The following MTMR4 variants were observed in gnomAD, a reference collection of about 807,000 sequenced individuals.
The protein encoded by MTMR4 is phosphatidylinositol-3,5-bisphosphate 3-phosphatase MTMR4.
MTMR4 carries 30 observed loss-of-function variants against 125.5 expected under a neutral mutation model. The ratio of observed to expected loss-of-function variants is 0.24; its 90% CI spans 0.18 to 0.32. MTMR4 has a LOEUF of 0.32. Among genes scored for constraint, MTMR4 ranks in the 10% least tolerant of loss-of-function variants. MTMR4 has a pLI of 1.00. For missense variants in MTMR4, 1,039 were observed against 1,511.5 expected, an observed-to-expected ratio of 0.69 and a Z score of 5.18; for synonymous variants, 498 against 564.5, an observed-to-expected ratio of 0.88 and a Z score of 1.67.
At position 58,508,300 on chromosome 17, in the gene MTMR4, C is replaced by T. The variant is rs757947876; in HGVS notation, c.594-26G>A. The T allele has an allele frequency of 6.9e-6, 11 of 1,600,812 alleles. No individual in the cohort carries two copies. The East Asian group carries it at 1.8e-4, about 26-fold the overall frequency. ...CTGAGAAGAGACCAGGTGGGGGTCA[C>T]TGCACTGGGTCTAAAACATGTGATG... On this transcript the variant is annotated intron_variant, in intron 6 of 17. Transcript: ENST00000682306. The surrounding 1 kb of genome is among the most constrained non-coding windows in gnomAD (Gnocchi z 4.8).
In MTMR4 at chr17:58,491,591, A is replaced by C. The variant is rs1159872117; in HGVS notation, c.*72T>G. ...GTGATTTCATGAGCCACACCAAGGA[A>C]CCTTCCAAACTACAACTGAAGAAGA... On this transcript the variant is annotated 3_prime_UTR_variant, in exon 18 of 18. Coordinates refer to ENST00000682306, the MANE Select transcript of MTMR4 (RefSeq NM_001378067.1). The C allele has an allele frequency of 1.0e-5, 15 of 1,467,374 alleles. No homozygotes were observed. Among genetic ancestry groups the C allele is most frequent in the Non-Finnish European group, 1.3e-5 (14 of 1,070,378 alleles). 90.9% of individuals were successfully genotyped at this position (1,467,374 alleles called of 1,614,324 possible). A position where few individuals can be genotyped will look rare whatever the true frequency, so the allele number is the denominator to read the frequency against.
Position 58,506,816 on chromosome 17 carries a change from C to T in MTMR4, c.960G>A (p.Leu320=), listed in dbSNP as rs1322293758. ...TGTAGGATCGCGCATCCAGGATCAG[C>T]AGCTTTTGAGGAGCTGCTGTGCTCT... ...GVESTAAPQK[L]LILDARSYTA... The change falls in exon 9 of 18, where the codon CTG becomes CTA. Residue 320 remains leucine, a synonymous_variant. Transcript: ENST00000682306. 1 of 1,613,780 alleles carries T rather than the reference C, an allele frequency of 6.2e-7. No individual in the cohort carries two copies. The highest frequency in any genetic ancestry group is 1.1e-5 in the South Asian group (1 of 91,050).
At chr17:58,513,325 G>A (rs1001649732) in intron 1 of MTMR4, among the ~76,000 whole-genome samples, 3 of 152,154 alleles carry the variant, frequency 2.0e-5, no homozygotes, top group Non-Finnish European at 2.9e-5. Context: ...TGAGGAAAAG[G>A]AGCCAGGTAT....
rs764050126 is a variant in MTMR4, at chr17:58,492,950, T to C, written c.3255A>G (p.Thr1085=). 3 of 1,613,496 alleles carry C rather than the reference T, an allele frequency of 1.9e-6. No individual in the cohort carries two copies. Among genetic ancestry groups the C allele is most frequent in the Non-Finnish European group, 2.5e-6 (3 of 1,179,390 alleles). Residue 1085 remains threonine (T), a splice_region_variant and synonymous_variant, in exon 16 of 18, where the codon ACA becomes ACG. Coordinates refer to ENST00000682306, the MANE Select transcript of MTMR4 (RefSeq NM_001378067.1). Reference sequence around the variant, plus strand: ...CACTGCCATCTGACTCCTTCAAACATGTCTGATGAAAAGGCAAAGACAACA... The same window carrying C: ...CACTGCCATCTGACTCCTTCAAACACGTCTGATGAAAAGGCAAAGACAACA... ...EPPMDYEDDF[T]CLKESDGSDT... is the part of the protein sequence containing the mutation.
At chr17:58,499,882 G>A (rs563786125) in intron 14 of MTMR4, among the ~76,000 whole-genome samples, 76 of 150,468 alleles carry the variant, frequency 5.1e-4, no homozygotes, top group African/African-American at 1.7e-3. Context: ...CGCCCGCCTC[G>A]GCCTCCCAAA....
rs201265445 is a variant in MTMR4 at position 58,512,887 on chromosome 17, G to A, written c.100C>T (p.Pro34Ser). The part of the protein sequence containing the change: ...EYIQAKDLFP[P>S]KELVKEEENL... The stretch of plus-strand genomic sequence containing the variant: ...TCTTCCTCCTTCACTAGTTCCTTGG[G>A]GGGGAACAGATCCTTGGCTTGGATG... The change falls in exon 2 of 18, where the codon CCC becomes TCC. Residue 34 changes from proline (P) to serine (S), a missense_variant. By Grantham distance (74) the Pro-to-Ser change is moderately conservative. Transcript: ENST00000682306. This position sits in a 1 kb window ranked among gnomAD's most constrained non-coding sequence, Gnocchi z 4.1. 5 of 1,612,674 alleles carry A rather than the reference G, an allele frequency of 3.1e-6. No individual in the cohort carries two copies. Among genetic ancestry groups the A allele is most frequent in the African/African-American group, 1.3e-5 (1 of 74,870 alleles).
At position 58,514,455 on chromosome 17, in the gene MTMR4, C is replaced by T; in HGVS notation, c.-48G>A. 1.0e-6 allele frequency: 1 copy of T among 985,030 alleles called. No homozygotes were observed. Among genetic ancestry groups the T allele is most frequent in the Non-Finnish European group, 1.2e-6 (1 of 829,622 alleles). 61.0% of individuals were successfully genotyped at this position (985,030 alleles called of 1,614,324 possible). On this transcript the variant is annotated 5_prime_UTR_variant, in exon 1 of 18. Transcript: ENST00000682306. ...CGCACATGTCCCCGGAGCCGCTGCG[C>T]TGCCCGCCAGCCCCGGGCGCCCGCC...
chr17:58,508,324 T>C lies in MTMR4; in HGVS notation c.594-50A>G, dbSNP rs1431905371. ...ACTGCACTGGGTCTAAAACATGTGA[T>C]GACAGGATCCCTGGGGATGGCTTTG... On this transcript the variant is annotated intron_variant, in intron 6 of 17. Coordinates refer to ENST00000682306, the MANE Select transcript of MTMR4 (RefSeq NM_001378067.1). This position sits in a 1 kb window ranked among gnomAD's most constrained non-coding sequence, Gnocchi z 4.8. The C allele has an allele frequency of 3.2e-6, 5 of 1,578,228 alleles. No homozygotes were observed. Among genetic ancestry groups the C allele is most frequent in the African/African-American group, 2.7e-5 (2 of 74,294 alleles).
chr17:58,505,725 C>A, intron 9 of MTMR4, 142 bp from the exon 10 acceptor site: 1 of 473,032 alleles, frequency 2.1e-6, no homozygotes, highest in Non-Finnish European at 4.0e-6. Context: ...CTGACTAACA[C>A]AGTGAAACCC....
intron 14 of MTMR4, 85 bp downstream of exon 14, chr17:58,503,659 A>C (rs1453168452): frequency 6.8e-7 from 1 of 1,462,398 alleles, no homozygotes; most frequent in Middle Eastern, 1.8e-4. Context: ...CAAAAAAAAG[A>C]AAGAAAGAGA....
intron 4 of MTMR4, among the ~76,000 whole-genome samples, chr17:58,509,657 C>T (rs946736847): frequency 1.3e-5 from 2 of 151,962 alleles, no homozygotes; most frequent in African/African-American, 4.8e-5. Flanking sequence ...TGGGCTCAAG[C>T]GATCCTCCTC....
intron 15 of MTMR4, among the ~76,000 whole-genome samples, chr17:58,493,747 A>G (rs1975376539): frequency 6.7e-6 from 1 of 149,070 alleles, no homozygotes; most frequent in East Asian, 1.9e-4. Flanking sequence ...GCCTTTTACA[A>G]AAAAAAAAAA....
In MTMR4 at chr17:58,496,032, G is replaced by C; in HGVS notation, c.2152C>G (p.Leu718Val). ...SHKSCSPSYK[L>V]LNTAVPREMK... ...TCCCGAGGCACTGCGGTATTAAGCA[G>C]TTTGTAACTTGGAGAACAGCTTTTG... Residue 718 changes from leucine (L) to valine (V), a missense_variant, in exon 15 of 18, where the codon CTG (leucine) becomes GTG (valine). By Grantham distance (32) the Leu-to-Val change is conservative. Transcript: ENST00000682306. The C allele has an allele frequency of 6.2e-7, 1 of 1,614,160 alleles. No homozygotes were observed. Among genetic ancestry groups the C allele is most frequent in the Non-Finnish European group, 8.5e-7 (1 of 1,180,044 alleles).
At position 58,512,317 on chromosome 17, in the gene MTMR4, G is replaced by A; in HGVS notation, c.252+73C>T. ...TTTTTTAATGACATGATCAAGGACA[G>A]CCTTGGAACAATCCCACCTTGAACT... On this transcript the variant is annotated intron_variant, in intron 3 of 17. Transcript: ENST00000682306. This position sits in a 1 kb window ranked among gnomAD's most constrained non-coding sequence, Gnocchi z 4.1. 7.6e-7 allele frequency: 1 copy of A among 1,311,794 alleles called. No individual in the cohort carries two copies. Among genetic ancestry groups the A allele is most frequent in the South Asian group, 1.2e-5 (1 of 84,050 alleles). The allele number at this position is 1,311,794 out of a possible 1,614,324, so 81.3% of individuals were successfully genotyped here.
Position 58,512,889 on chromosome 17 carries a change from G to A in MTMR4, c.98C>T (p.Pro33Leu). The change falls in exon 2 of 18, where the codon CCC becomes CTC. Residue 33 changes from proline to leucine, a missense_variant. Transcript: ENST00000682306. This position sits in a 1 kb window ranked among gnomAD's most constrained non-coding sequence, Gnocchi z 4.1. ...TTCCTCCTTCACTAGTTCCTTGGGG[G>A]GGAACAGATCCTTGGCTTGGATGTA... Reference protein sequence around the residue: ...LEYIQAKDLFPPKELVKEEEN... With the variant: ...LEYIQAKDLFLPKELVKEEEN... 6.2e-7 allele frequency: 1 copy of A among 1,612,404 alleles called. No individual in the cohort carries two copies. The highest frequency in any genetic ancestry group is 8.5e-7 in the Non-Finnish European group (1 of 1,179,326).
chr17:58,503,191 C>T (rs1975685549), intron 14 of MTMR4, among the ~76,000 whole-genome samples: 1 of 152,126 alleles, frequency 6.6e-6, no homozygotes, highest in African/African-American at 2.4e-5. Context: ...TTGTTCTCTC[C>T]CCTGCTTGGG....
In MTMR4 at chr17:58,508,238, A is replaced by G. The variant is rs773553439; in HGVS notation, c.630T>C (p.Pro210=). ...CCAGCTCTTTGTCAGTGATCCACAC[A>G]GGAACCAGCAGCTTCTGGGGGTAAC... is the stretch of plus-strand genomic sequence containing the variant. ...CPSYPQKLLV[P]VWITDKELEN... Residue 210 remains proline (P), a synonymous_variant, in exon 7 of 18, where the codon CCT becomes CCC. Transcript: ENST00000682306. The surrounding 1 kb of genome is among the most constrained non-coding windows in gnomAD (Gnocchi z 4.8). 1.4e-5 allele frequency: 23 copies of G among 1,613,986 alleles called. No individual in the cohort carries two copies. The highest frequency in any genetic ancestry group is 1.9e-5 in the Non-Finnish European group (23 of 1,180,024).
In MTMR4 at chr17:58,505,463, A is replaced by G. The variant is rs745585906; in HGVS notation, c.1145+9T>C. On this transcript the variant is annotated intron_variant, in intron 10 of 17. Transcript: ENST00000682306. Reference sequence around the variant, plus strand: ...GAGACTGGAAGGAATCCAAGTAGGGAACACCTACTTGCTAGGATCCGGCAT... The same window carrying G: ...GAGACTGGAAGGAATCCAAGTAGGGGACACCTACTTGCTAGGATCCGGCAT... The G allele has an allele frequency of 6.3e-7, 1 of 1,589,286 alleles. No individual in the cohort carries two copies. Among genetic ancestry groups the G allele is most frequent in the Non-Finnish European group, 8.6e-7 (1 of 1,158,558 alleles).
In MTMR4 at chr17:58,504,602, G is replaced by T. The variant is rs770838959; in HGVS notation, c.1342-114C>A. 2.9e-6 allele frequency: 4 copies of T among 1,380,982 alleles called. No individual in the cohort carries two copies. The highest frequency in any genetic ancestry group is 3.9e-6 in the Non-Finnish European group (4 of 1,021,020). The allele number at this position is 1,380,982 out of a possible 1,614,324, so 85.5% of individuals were successfully genotyped here. A position where few individuals can be genotyped will look rare whatever the true frequency, so the allele number is the denominator to read the frequency against. ...GCAGCTTCAAAGAAAAATAGGACTG[G>T]ACCTAGAAGAGGACTCAAAGCCACC... On this transcript the variant is annotated intron_variant, in intron 11 of 17. Coordinates refer to ENST00000682306, the MANE Select transcript of MTMR4 (RefSeq NM_001378067.1). The surrounding 1 kb of genome is among the most constrained non-coding windows in gnomAD (Gnocchi z 7.1).
Sources: allele counts gnomAD v4.1 joint callset (sites outside exome capture counted in the v4.1 genomes callset), GRCh38; gene constraint gnomAD v4.1.1; non-coding constraint Gnocchi (gnomAD v3.1); transcripts MANE v1.5; gene names NCBI Gene and HGNC (gene_info 2026-07-23, HGNC 2026-07-21).